MARCHF1: variants seen among roughly 807,000 people sequenced by gnomAD.
The protein encoded by MARCHF1 is membrane associated ring-CH-type finger 1.
Under a neutral mutation model 54.2 loss-of-function variants are expected in MARCHF1, and 40 were observed. The ratio of observed to expected loss-of-function variants is 0.74; its 90% CI spans 0.57 to 0.96. The LOEUF (loss-of-function observed/expected upper bound fraction) is 0.96, where lower values mean the gene tolerates loss of function less well. Ranked by LOEUF, MARCHF1 falls within the 40% of genes least tolerant of loss-of-function variation. The pLI is 0.00. For synonymous variants in MARCHF1, 236 were observed against 236.3 expected, an observed-to-expected ratio of 1.00 and a Z score of 0.01; for missense variants, 586 against 656.5, an observed-to-expected ratio of 0.89 and a Z score of 1.17.
chr4:163,811,448 T>C (rs1273092956), intron 4 of MARCHF1, among the ~76,000 whole-genome samples: 1 of 151,380 alleles, frequency 6.6e-6, no homozygotes, highest in Non-Finnish European at 1.5e-5. Flanking sequence ...GAAGGGAGGA[T>C]TGCTTGAACC....
At chr4:163,854,200 T>A (rs896567923) in intron 3 of MARCHF1, 31 bp from the exon 4 acceptor site, 9 of 1,439,584 alleles carry the variant, frequency 6.3e-6, no homozygotes, top group Non-Finnish European at 8.3e-6. Context: ...CTGAAACAGG[T>A]CACTTATTTT....
At position 164,199,681 on chromosome 4, in the gene MARCHF1, C is replaced by CAGAGAGAGAGAGAG. The variant is rs70952609; in HGVS notation, c.-322-88033_-322-88020dup. Among the ~76,000 whole-genome samples the CAGAGAGAGAGAGAG allele has an allele frequency of 4.5e-3, 214 of 47,634 alleles. 6 individuals carry two copies. Among genetic ancestry groups the CAGAGAGAGAGAGAG allele is most frequent in the African/African-American group, 0.016 (193 of 11,850 alleles). The allele number at this position is 47,634 out of a possible 152,430, so 31.2% of individuals were successfully genotyped here. A position where few individuals can be genotyped will look rare whatever the true frequency, so the allele number is the denominator to read the frequency against. ...ACACACACACACACACACACACACA[C>CAGAGAGAGAGAGAG]AGAGAGAGAGAGAGAGAGAGAGAGA... is the stretch of plus-strand genomic sequence containing the variant. On this transcript the variant is annotated intron_variant, in intron 1 of 9. Coordinates refer to ENST00000514618, the MANE Select transcript of MARCHF1 (RefSeq NM_001394959.1).
At position 163,673,549 on chromosome 4, in the gene MARCHF1, T is replaced by C. The variant is rs116242014; in HGVS notation, c.162+27264A>G. On this transcript the variant is annotated intron_variant, in intron 5 of 9. Transcript: ENST00000514618. ...AAAGAATCCTATTAAATAAGATTTG[T>C]TTTTATATTAACCCTAAAATAGCCA... 4.6e-3 allele frequency among the ~76,000 whole-genome samples: 707 copies of C among 152,228 alleles called. 9 individuals are homozygous for C. The highest frequency in any genetic ancestry group is 0.016 in the African/African-American group (682 of 41,536).
intron 4 of MARCHF1, among the ~76,000 whole-genome samples, chr4:163,737,153 C>CT (rs1252109628): frequency 5.0e-5 from 4 of 79,212 alleles, no homozygotes; most frequent in African/African-American, 1.9e-4. Context: ...GCGCTCGCAG[C>CT]TTTTTTCTTT....
chr4:164,255,381 CAAGA>C (rs1733248756), intron 1 of MARCHF1, among the ~76,000 whole-genome samples: 2 of 77,818 alleles, frequency 2.6e-5, no homozygotes, highest in Admixed American at 3.2e-4. Flanking sequence ...AATGAAAAGG[CAAGA>C]AAGATAAAAA....
intron 7 of MARCHF1, among the ~76,000 whole-genome samples, chr4:163,592,850 T>C (rs150485809): frequency 3.8e-4 from 58 of 152,256 alleles, no homozygotes; most frequent in African/African-American, 1.4e-3. Flanking sequence ...GAGGTCTCCA[T>C]GGGCTCTTGA....
At chr4:163,906,713 T>G (rs2111323245) in intron 3 of MARCHF1, among the ~76,000 whole-genome samples, 1 of 150,480 alleles carries the variant, frequency 6.6e-6, no homozygotes, top group South Asian at 2.1e-4. Context: ...TATGAAAGTC[T>G]TAGACAAATA....
At chr4:163,722,923 C>A (rs985868564) in intron 4 of MARCHF1, among the ~76,000 whole-genome samples, 1 of 152,124 alleles carries the variant, frequency 6.6e-6, no homozygotes. Flanking sequence ...TGTGTCTCTG[C>A]AAGTGAGATG....
chr4:163,866,482 A>ATATATATATATATATATATATAT (rs1560794971), intron 3 of MARCHF1, among the ~76,000 whole-genome samples: 2 of 143,250 alleles, frequency 1.4e-5, no homozygotes, highest in Admixed American at 1.4e-4. Context: ...ATATATATAT[A>ATATATATATATATATATATATAT]ATAGGACTGT....
chr4:163,958,674 AT>A lies in MARCHF1; in HGVS notation c.-39+29826del, dbSNP rs968495693. Among the ~76,000 whole-genome samples, 91 of 151,342 alleles carry A rather than the reference AT, an allele frequency of 6.0e-4. No individual in the cohort carries two copies. The East Asian group carries it at 0.014, about 24-fold the overall frequency. On this transcript the variant is annotated intron_variant, in intron 3 of 9. Coordinates refer to ENST00000514618, the MANE Select transcript of MARCHF1 (RefSeq NM_001394959.1). ...TGTATTCATTCTATTTTCTTACTTG[AT>A]TTTTTTTTATATTGCTTAGTTGGCT...
intron 3 of MARCHF1, among the ~76,000 whole-genome samples, chr4:163,940,283 G>C (rs1239692795): frequency 6.6e-6 from 1 of 152,082 alleles, no homozygotes; most frequent in Non-Finnish European, 1.5e-5. Context: ...AAGAAAAGGA[G>C]TTCAAGCCAC....
intron 5 of MARCHF1, among the ~76,000 whole-genome samples, chr4:163,690,076 C>T (rs1352634752): frequency 6.6e-6 from 1 of 152,096 alleles, no homozygotes; most frequent in Non-Finnish European, 1.5e-5. Flanking sequence ...GCTGTCTACA[C>T]TCCTGGTGAT....
In MARCHF1 at chr4:164,259,638, C is replaced by T. The variant is rs1579668932; in HGVS notation, c.-323+124232G>A. On this transcript the variant is annotated intron_variant, in intron 1 of 9. Coordinates refer to ENST00000514618, the MANE Select transcript of MARCHF1 (RefSeq NM_001394959.1). ...GCCACAATAAATATTAGGCAGACAG[C>T]AGTTCAGCAGTTTATACTATTAAGC... Among the ~76,000 whole-genome samples the T allele has an allele frequency of 2.7e-5, 4 of 149,846 alleles. No homozygotes were observed. The South Asian group carries it at 8.5e-4, about 32-fold the overall frequency.
chr4:164,141,380 T>A (rs1215243098), intron 1 of MARCHF1, among the ~76,000 whole-genome samples: 1 of 152,250 alleles, frequency 6.6e-6, no homozygotes, highest in Non-Finnish European at 1.5e-5. Context: ...TCTTTTTAGC[T>A]GTCTTTAGAC....
chr4:164,185,029 G>A (rs973549626), intron 1 of MARCHF1, among the ~76,000 whole-genome samples: 1 of 151,988 alleles, frequency 6.6e-6, no homozygotes, highest in Non-Finnish European at 1.5e-5. Flanking sequence ...TGAGACATAA[G>A]GATTTAAAAA....
rs577177876 is a variant in MARCHF1, at chr4:163,693,759, T to C, written c.162+7054A>G. ...TCCCTCATGAGCTTAATAACACATG[T>C]TATATTGTCCAGTAGGCAGAGCAGC... is the stretch of plus-strand genomic sequence containing the variant. On this transcript the variant is annotated intron_variant, in intron 5 of 9. Transcript: ENST00000514618. Among the ~76,000 whole-genome samples, 267 of 152,302 alleles carry C rather than the reference T, an allele frequency of 1.8e-3. 8 individuals are homozygous for C. Among genetic ancestry groups the C allele is most frequent in the African/African-American group, 6.3e-3 (261 of 41,574 alleles).
chr4:163,576,752 G>A (rs941572403), intron 8 of MARCHF1, among the ~76,000 whole-genome samples: 1 of 151,806 alleles, frequency 6.6e-6, no homozygotes, highest in Non-Finnish European at 1.5e-5. Context: ...ATATATTTAG[G>A]ATGGTTAAAT....
chr4:163,629,466 T>C (rs7657352), intron 5 of MARCHF1, among the ~76,000 whole-genome samples: 96,698 of 152,018 alleles, frequency 0.64, 32,620 homozygotes, highest in African/African-American at 0.87. Flanking sequence ...AGAAGAAAAC[T>C]GAGGCAATAC....
chr4:163,921,415 T>C (rs1751427711), intron 3 of MARCHF1, among the ~76,000 whole-genome samples: 2 of 152,162 alleles, frequency 1.3e-5, no homozygotes, highest in Admixed American at 1.3e-4. Context: ...CTTATATTCA[T>C]ATTACATGTT....
Sources: gnomAD v4.1 joint callset for allele counts (sites outside exome capture counted in the v4.1 genomes callset) on GRCh38, gnomAD v4.1.1 for gene constraint, MANE v1.5 for transcripts, NCBI Gene and HGNC (gene_info 2026-07-23, HGNC 2026-07-21) for gene names.